DPY19L3: variants seen among roughly 807,000 people sequenced by gnomAD.
DPY19L3 encodes protein C-mannosyl-transferase DPY19L3.
A neutral mutation model predicts 92.3 loss-of-function variants in DPY19L3; 51 were observed. That is an observed-to-expected ratio of 0.55 (90% CI 0.44 to 0.70). The LOEUF is 0.70. DPY19L3 is among the 30% of genes least tolerant of loss of function. DPY19L3 has a pLI of 0.00. For missense variants in DPY19L3, 706 were observed against 855.9 expected (o/e 0.82, Z 2.18); for synonymous variants, 309 against 315.2 (o/e 0.98, Z 0.21).
At chr19:32,449,103 C>A (rs1251499075) in intron 8 of DPY19L3, among the ~76,000 whole-genome samples, 5 of 152,072 alleles carry the variant, frequency 3.3e-5, no homozygotes, top group African/African-American at 1.2e-4. Context: ...CTTAAGAGTT[C>A]CTGCAAATCC....
chr19:32,420,670 A>AAGAG (rs1238361004), intron 3 of DPY19L3, among the ~76,000 whole-genome samples: 6 of 151,898 alleles, frequency 4.0e-5, no homozygotes, highest in African/African-American at 1.5e-4. Flanking sequence ...GGCTGTTCTC[A>AAGAG]AACTCCTGAC....
intron 8 of DPY19L3, among the ~76,000 whole-genome samples, chr19:32,445,082 AAAAAAAAAAAC>A (rs1969444803): frequency 6.6e-6 from 1 of 151,506 alleles, no homozygotes. Flanking sequence ...TCTCAAAAAA[AAAAAAAAAAAC>A]AAAAAACAAT....
chr19:32,434,800 TC>T (rs1200989731), intron 4 of DPY19L3, among the ~76,000 whole-genome samples: 1 of 152,358 alleles, frequency 6.6e-6, no homozygotes, highest in African/African-American at 2.4e-5. Context: ...AGGGCTCTCT[TC>T]CTGGCTTGCA....
At chr19:32,453,101 T>C in intron 8 of DPY19L3, 44 bp from the exon 9 acceptor site, 1 of 1,609,144 alleles carries the variant, frequency 6.2e-7, no homozygotes, top group Non-Finnish European at 8.5e-7. Context: ...TGTGATGATC[T>C]CTTGGTAAAA....
At chr19:32,466,596 G>A (rs1383535748) in intron 15 of DPY19L3, among the ~76,000 whole-genome samples, 2 of 152,188 alleles carry the variant, frequency 1.3e-5, no homozygotes, top group African/African-American at 4.8e-5. Flanking sequence ...GGGGCTAGGG[G>A]CACAATGTCT....
intron 4 of DPY19L3, among the ~76,000 whole-genome samples, chr19:32,433,766 A>G (rs770755803): frequency 6.6e-6 from 1 of 152,162 alleles, no homozygotes; most frequent in Non-Finnish European, 1.5e-5. Flanking sequence ...CCTAGGAGAC[A>G]TGACATTTTG....
At chr19:32,456,079 C>CT (rs899726982) in intron 10 of DPY19L3, among the ~76,000 whole-genome samples, 22,130 of 103,432 alleles carry the variant, frequency 0.21, 2,933 homozygotes, top group South Asian at 0.37. Context: ...TCACTATGTT[C>CT]TTTTTTTTTT....
At chr19:32,434,492 A>T (rs1969073571) in intron 4 of DPY19L3, among the ~76,000 whole-genome samples, 1 of 152,120 alleles carries the variant, frequency 6.6e-6, no homozygotes. Context: ...CCCCATCTCT[A>T]CTAAAAATAC....
intron 8 of DPY19L3, among the ~76,000 whole-genome samples, chr19:32,441,698 A>G (rs1039809899): frequency 1.3e-5 from 2 of 152,070 alleles, no homozygotes; most frequent in African/African-American, 4.8e-5. Flanking sequence ...GGGTTTTGCC[A>G]TATTGCCCAG....
rs1478501815 is a variant in DPY19L3 at position 32,485,341 on chromosome 19, T to G, written c.*3101T>G. 1 of 152,166 alleles carries G rather than the reference T, an allele frequency of 6.6e-6. No individual in the cohort carries two copies. Among genetic ancestry groups the G allele is most frequent in the Admixed American group, 6.5e-5 (1 of 15,274 alleles). 9.4% of individuals were successfully genotyped at this position (152,166 alleles called of 1,614,324 possible). A position where few individuals can be genotyped will look rare whatever the true frequency, so the allele number is the denominator to read the frequency against. ...AGTTAGATGTTACCCAGGCCATTTA[T>G]CATCCTGTTAATGATGATTTTCCCG... On this transcript the variant is annotated 3_prime_UTR_variant, in exon 19 of 19. Transcript: ENST00000392250.
At chr19:32,437,571 C>T (rs1312170859) in intron 6 of DPY19L3, among the ~76,000 whole-genome samples, 1 of 152,118 alleles carries the variant, frequency 6.6e-6, no homozygotes, top group Non-Finnish European at 1.5e-5. Flanking sequence ...TCAAGAAAAT[C>T]ATTCATAATA....
chr19:32,445,933 C>T (rs775995349), intron 8 of DPY19L3, among the ~76,000 whole-genome samples: 68 of 151,886 alleles, frequency 4.5e-4, no homozygotes, highest in African/African-American at 1.5e-3. Context: ...ACCTAGGAGG[C>T]GGAGGTTGCA....
intron 9 of DPY19L3, among the ~76,000 whole-genome samples, chr19:32,454,526 A>T (rs1969805030): frequency 6.6e-6 from 1 of 152,142 alleles, no homozygotes; most frequent in Admixed American, 6.6e-5. Context: ...GTGAGCGGAG[A>T]TTGCTCTGCT....
intron 4 of DPY19L3, among the ~76,000 whole-genome samples, chr19:32,433,623 G>A (rs1461896228): frequency 1.3e-5 from 2 of 151,960 alleles, no homozygotes; most frequent in African/African-American, 2.4e-5. Flanking sequence ...AAGTCTCACT[G>A]TGTTGCCCAG....
At chr19:32,475,121 A>T (rs932267062) in intron 16 of DPY19L3, among the ~76,000 whole-genome samples, 3 of 152,194 alleles carry the variant, frequency 2.0e-5, no homozygotes, top group African/African-American at 7.2e-5. Context: ...AAGGCCTGTC[A>T]TCTCTGCTGT....
rs931253005 is a variant in DPY19L3 at position 32,483,378 on chromosome 19, A to T, written c.*1138A>T. On this transcript the variant is annotated 3_prime_UTR_variant, in exon 19 of 19. Transcript: ENST00000392250. Reference sequence around the variant, plus strand: ...AGAAGAGTATATGTACCTGCTCAAAATTTTTTTGATAATCGCTTATATAAT... The same window carrying T: ...AGAAGAGTATATGTACCTGCTCAAATTTTTTTTGATAATCGCTTATATAAT... The T allele has an allele frequency of 6.6e-6, 1 of 152,612 alleles. No homozygotes were observed. The highest frequency in any genetic ancestry group is 2.4e-5 in the African/African-American group (1 of 41,442). The allele number at this position is 152,612 out of a possible 1,614,324, so 9.5% of individuals were successfully genotyped here. A position where few individuals can be genotyped will look rare whatever the true frequency, so the allele number is the denominator to read the frequency against.
At chr19:32,434,037 G>T (rs552219122) in intron 4 of DPY19L3, among the ~76,000 whole-genome samples, 7 of 152,136 alleles carry the variant, frequency 4.6e-5, no homozygotes, top group Non-Finnish European at 1.0e-4. Context: ...TTGCAGTACA[G>T]TTTATACAAG....
At chr19:32,438,279 T>A (rs1317071038) in intron 6 of DPY19L3, among the ~76,000 whole-genome samples, 1 of 152,156 alleles carries the variant, frequency 6.6e-6, no homozygotes, top group African/African-American at 2.4e-5. Flanking sequence ...GTTGGGGGTT[T>A]ACTGTATGCC....
At chr19:32,468,547 C>T (rs7254107) in intron 15 of DPY19L3, 184 bp from the exon 16 acceptor site, 733,700 of 1,243,640 alleles carry the variant, frequency 0.59, 217,607 homozygotes, top group East Asian at 0.62. Flanking sequence ...TCAGAAACTT[C>T]CCAGGCGCTA....
Sources: gnomAD v4.1 joint callset for allele counts (sites outside exome capture counted in the v4.1 genomes callset) on GRCh38, gnomAD v4.1.1 for gene constraint, MANE v1.5 for transcripts, NCBI Gene and HGNC (gene_info 2026-07-23, HGNC 2026-07-21) for gene names.